Variants in TCF7L1 observed in about 807,000 individuals in gnomAD.
The protein encoded by TCF7L1 is transcription factor 7 like 1, also known as transcription factor 7-like 1.
Under a neutral mutation model 63.7 loss-of-function variants are expected in TCF7L1, and 18 were observed. The observed-to-expected ratio is 0.28, with a 90% CI of 0.20 to 0.42. The LOEUF is 0.42. TCF7L1 is among the 10% of genes least tolerant of loss of function. TCF7L1 has a pLI of 1.00. For synonymous variants in TCF7L1, 355 were observed against 340.9 expected (o/e 1.04, Z -0.46); for missense variants, 654 against 779.3 (o/e 0.84, Z 1.91).
chr2:85,168,095 C>T (rs1481671652), intron 3 of TCF7L1, among the ~76,000 whole-genome samples: 1 of 152,048 alleles, frequency 6.6e-6, no homozygotes, highest in Non-Finnish European at 1.5e-5. Flanking sequence ...GATGAGTAAG[C>T]TCTGCAGCTC....
Position 85,134,302 on chromosome 2 carries a change from T to G in TCF7L1, c.314-21T>G. 1 of 1,570,978 alleles carries G rather than the reference T, an allele frequency of 6.4e-7. No homozygotes were observed. Among genetic ancestry groups the G allele is most frequent in the Non-Finnish European group, 8.6e-7 (1 of 1,157,708 alleles). ...CAGTCCCGGGGGCCTGGGCCTCACC[T>G]CGCCTTGGTCTTGTTCGCAGTGAGA... On this transcript the variant is annotated intron_variant, in intron 2 of 11. Transcript: ENST00000282111. This position sits in a 1 kb window ranked among gnomAD's most constrained non-coding sequence, Gnocchi z 5.0.
At chr2:85,173,767 G>C (rs376564133) in intron 3 of TCF7L1, among the ~76,000 whole-genome samples, 1 of 149,876 alleles carries the variant, frequency 6.7e-6, no homozygotes, top group Non-Finnish European at 1.5e-5. Context: ...GACGGAGTCT[G>C]TCTCTGTTGC....
chr2:85,287,770 G>T (rs990922157), intron 4 of TCF7L1, among the ~76,000 whole-genome samples: 1 of 152,162 alleles, frequency 6.6e-6, no homozygotes, highest in Non-Finnish European at 1.5e-5. Flanking sequence ...TCATTCCAAC[G>T]AGAGGTGTGT....
At chr2:85,194,327 G>A (rs1029764147) in intron 3 of TCF7L1, among the ~76,000 whole-genome samples, 3 of 151,972 alleles carry the variant, frequency 2.0e-5, no homozygotes, top group Admixed American at 2.0e-4. Context: ...CCAGGAGTTC[G>A]AGACCAGCCT....
intron 3 of TCF7L1, among the ~76,000 whole-genome samples, chr2:85,248,683 G>A (rs963532240): frequency 7.2e-5 from 11 of 152,180 alleles, no homozygotes; most frequent in African/African-American, 2.2e-4. Context: ...CATCAAGATT[G>A]CTAGCGTTGT....
chr2:85,281,320 G>T (rs1036339797), intron 3 of TCF7L1, among the ~76,000 whole-genome samples: 1 of 152,070 alleles, frequency 6.6e-6, no homozygotes, highest in Admixed American at 6.6e-5. Flanking sequence ...CACTGCGCCC[G>T]GCCTAGCTCC....
chr2:85,144,318 C>T (rs145815493), intron 3 of TCF7L1, among the ~76,000 whole-genome samples: 32 of 151,474 alleles, frequency 2.1e-4, no homozygotes, highest in African/African-American at 7.3e-4. Context: ...TGGTAGCTCA[C>T]GCCTGTAATC....
At chr2:85,228,241 G>A (rs1203657284) in intron 3 of TCF7L1, among the ~76,000 whole-genome samples, 2 of 151,946 alleles carry the variant, frequency 1.3e-5, no homozygotes, top group Non-Finnish European at 2.9e-5. Flanking sequence ...GCAACATAGC[G>A]AGACCCAGTC....
intron 3 of TCF7L1, among the ~76,000 whole-genome samples, chr2:85,151,810 AT>A (rs1678022886): frequency 6.6e-6 from 1 of 152,170 alleles, no homozygotes; most frequent in African/African-American, 2.4e-5. Context: ...GATTGAAGCC[AT>A]ATGTGGCCCA....
rs536251683 is a variant in TCF7L1 at position 85,192,234 on chromosome 2, A to C, written c.441+57784A>C. On this transcript the variant is annotated intron_variant, in intron 3 of 11. Coordinates refer to ENST00000282111, the MANE Select transcript of TCF7L1 (RefSeq NM_031283.3). Reference sequence around the variant, plus strand: ...ATGTTTTCTATCCTCCTCATTTCTAATCCTGAATTTAAGCATTGGAAAGAG... The same window carrying C: ...ATGTTTTCTATCCTCCTCATTTCTACTCCTGAATTTAAGCATTGGAAAGAG... Among the ~76,000 whole-genome samples, 10 of 152,236 alleles carry C rather than the reference A, an allele frequency of 6.6e-5. 1 individual carries two copies. In the South Asian group the frequency reaches 1.7e-3, roughly 25 times the overall value.
At position 85,306,906 on chromosome 2, in the gene TCF7L1, C is replaced by A. The variant is rs546497364; in HGVS notation, c.1257+347C>A. Among the ~76,000 whole-genome samples the A allele has an allele frequency of 1.3e-5, 2 of 152,160 alleles. No homozygotes were observed. The highest frequency in any genetic ancestry group is 2.4e-5 in the African/African-American group (1 of 41,440). On this transcript the variant is annotated intron_variant, in intron 10 of 11. Coordinates refer to ENST00000282111, the MANE Select transcript of TCF7L1 (RefSeq NM_031283.3). The surrounding 1 kb of genome is among the most constrained non-coding windows in gnomAD (Gnocchi z 4.3). ...GTCTCGAGCTCCTGACCTCGTGATC[C>A]GCCCACCTCGGCCTCCCAAAGCGCT...
chr2:85,234,443 T>C (rs1680153134), intron 3 of TCF7L1, among the ~76,000 whole-genome samples: 1 of 152,194 alleles, frequency 6.6e-6, no homozygotes, highest in Non-Finnish European at 1.5e-5. Context: ...CATTCCACTC[T>C]GATTTTAAAG....
chr2:85,134,269 G>A lies in TCF7L1; in HGVS notation c.314-54G>A, dbSNP rs190441611. 3.6e-5 allele frequency: 55 copies of A among 1,512,928 alleles called. No individual in the cohort carries two copies. The highest frequency in any genetic ancestry group is 1.6e-4 in the Admixed American group (7 of 45,140). 93.7% of individuals were successfully genotyped at this position (1,512,928 alleles called of 1,614,324 possible). On this transcript the variant is annotated intron_variant, in intron 2 of 11. Coordinates refer to ENST00000282111, the MANE Select transcript of TCF7L1 (RefSeq NM_031283.3). The surrounding 1 kb of genome is among the most constrained non-coding windows in gnomAD (Gnocchi z 5.0). ...GCTCCCGCCTCGAGCCCCCTGCCGC[G>A]GCGCTGTCAGTCCCGGGGGCCTGGG... is the stretch of plus-strand genomic sequence containing the variant.
At chr2:85,279,316 T>C (rs1226112837) in intron 3 of TCF7L1, among the ~76,000 whole-genome samples, 1 of 152,208 alleles carries the variant, frequency 6.6e-6, no homozygotes, top group Non-Finnish European at 1.5e-5. Flanking sequence ...CCCAGCACTT[T>C]GCGAGAGCAA....
At position 85,206,343 on chromosome 2, in the gene TCF7L1, T is replaced by C. The variant is rs143341309; in HGVS notation, c.441+71893T>C. ...TGGGGCTGTTTGACCACAAAATGTG[T>C]CACTGGGTTAGTGGTTTTATGCCAA... is the stretch of plus-strand genomic sequence containing the variant. On this transcript the variant is annotated intron_variant, in intron 3 of 11. Coordinates refer to ENST00000282111, the MANE Select transcript of TCF7L1 (RefSeq NM_031283.3). Among the ~76,000 whole-genome samples the C allele has an allele frequency of 4.3e-3, 652 of 152,332 alleles. 4 individuals are homozygous for C. Among genetic ancestry groups the C allele is most frequent in the African/African-American group, 0.015 (611 of 41,572 alleles).
chr2:85,308,992 C>T, intron 11 of TCF7L1, 37 bp from the exon 12 acceptor site: 1 of 1,552,066 alleles, frequency 6.4e-7, no homozygotes. Flanking sequence ...TCTCACAGAG[C>T]TATAGCTGCT....
intron 4 of TCF7L1, among the ~76,000 whole-genome samples, chr2:85,295,352 C>A (rs1405766893): frequency 6.6e-6 from 1 of 152,076 alleles, no homozygotes; most frequent in Non-Finnish European, 1.5e-5. Flanking sequence ...CAGGCATGTG[C>A]CCGCATGCCC....
intron 3 of TCF7L1, among the ~76,000 whole-genome samples, chr2:85,168,619 A>C (rs1040723697): frequency 1.3e-5 from 2 of 151,582 alleles, no homozygotes; most frequent in Admixed American, 6.6e-5. Flanking sequence ...TCCATCTGTA[A>C]ATACGACTTT....
At chr2:85,181,581 T>G (rs1435376502) in intron 3 of TCF7L1, among the ~76,000 whole-genome samples, 1 of 152,104 alleles carries the variant, frequency 6.6e-6, no homozygotes, top group African/African-American at 2.4e-5. Flanking sequence ...AGGGGAAGCA[T>G]TCCTTTTTGT....
Sources: allele counts gnomAD v4.1 joint callset (sites outside exome capture counted in the v4.1 genomes callset), GRCh38; gene constraint gnomAD v4.1.1; non-coding constraint Gnocchi (gnomAD v3.1); transcripts MANE v1.5; gene names NCBI Gene and HGNC (gene_info 2026-07-23, HGNC 2026-07-21).